The following TMEM132C variants were observed in gnomAD, a reference collection of about 807,000 sequenced individuals.
TMEM132C encodes the protein protein phosphatase 1, regulatory subunit 152.
TMEM132C carries 29 observed loss-of-function variants against 61.4 expected under a neutral mutation model. The observed-to-expected ratio is 0.47, with a 90% CI of 0.35 to 0.64. The LOEUF (loss-of-function observed/expected upper bound fraction) is 0.64. Among genes scored for constraint, TMEM132C ranks in the 30% least tolerant of loss-of-function variants. TMEM132C has a pLI of 0.00. For missense variants in TMEM132C, 1,408 were observed against 1,476.9 expected, an observed-to-expected ratio of 0.95 and a Z score of 0.76; for synonymous variants, 656 against 633.1, an observed-to-expected ratio of 1.04 and a Z score of -0.54.
intron 5 of TMEM132C, among the ~76,000 whole-genome samples, chr12:128,688,987 G>T (rs11059833): frequency 0.48 from 71,920 of 151,130 alleles, 17,601 homozygotes; most frequent in Non-Finnish European, 0.54. Context: ...TTTTGTTTTT[G>T]TTTTATTTTT....
chr12:128,390,805 G>GCGCT (rs1874741683), intron 1 of TMEM132C, among the ~76,000 whole-genome samples: 1 of 152,190 alleles, frequency 6.6e-6, no homozygotes, highest in South Asian at 2.1e-4. Flanking sequence ...AAAGGCTGTG[G>GCGCT]CGCTGTCCAG....
chr12:128,689,698 T>G (rs1326876988), intron 5 of TMEM132C, among the ~76,000 whole-genome samples: 1 of 152,130 alleles, frequency 6.6e-6, no homozygotes, highest in East Asian at 1.9e-4. Context: ...AGCACAGAGA[T>G]GCACTTCCAA....
At chr12:128,369,277 T>C (rs959234574) in intron 1 of TMEM132C, among the ~76,000 whole-genome samples, 1 of 152,222 alleles carries the variant, frequency 6.6e-6, no homozygotes, top group Non-Finnish European at 1.5e-5. Context: ...TTTAATACTA[T>C]TGGACTGAGC....
chr12:128,533,920 A>G (rs1397677042), intron 2 of TMEM132C, among the ~76,000 whole-genome samples: 1 of 151,182 alleles, frequency 6.6e-6, no homozygotes, highest in African/African-American at 2.4e-5. Context: ...ATGCATACAC[A>G]CACACATGCT....
intron 3 of TMEM132C, among the ~76,000 whole-genome samples, chr12:128,586,542 A>G (rs1032869613): frequency 1.1e-4 from 17 of 152,306 alleles, no homozygotes; most frequent in African/African-American, 3.6e-4. Flanking sequence ...CCACTATTAC[A>G]TAAGCAAATA....
chr12:128,585,453 T>G (rs1451774290), intron 3 of TMEM132C, among the ~76,000 whole-genome samples: 1 of 152,204 alleles, frequency 6.6e-6, no homozygotes, highest in Non-Finnish European at 1.5e-5. Flanking sequence ...TGTTCTGCAG[T>G]GACAGATGTT....
At chr12:128,337,026 A>G (rs963112315) in intron 1 of TMEM132C, among the ~76,000 whole-genome samples, 3 of 152,200 alleles carry the variant, frequency 2.0e-5, no homozygotes, top group African/African-American at 4.8e-5. Flanking sequence ...GTCTAATGCC[A>G]TGGAAATCAG....
chr12:128,452,366 C>G (rs1351916998), intron 2 of TMEM132C, among the ~76,000 whole-genome samples: 1 of 151,172 alleles, frequency 6.6e-6, no homozygotes, highest in Non-Finnish European at 1.5e-5. Context: ...TCCCAAAATG[C>G]TGGGATTACA....
rs374111784 is a variant in TMEM132C at position 128,575,350 on chromosome 12, G to A, written c.1121+31247G>A. Among the ~76,000 whole-genome samples, 339 of 152,256 alleles carry A rather than the reference G, an allele frequency of 2.2e-3. 2 individuals are homozygous for A. The highest frequency in any genetic ancestry group is 8.0e-3 in the African/African-American group (333 of 41,562). Reference sequence around the variant, plus strand: ...AAAAATTAGCTGGACATGATGATGTGCACCTATAGTCCCAGCTACTGGGGA... The same window carrying A: ...AAAAATTAGCTGGACATGATGATGTACACCTATAGTCCCAGCTACTGGGGA... On this transcript the variant is annotated intron_variant, in intron 3 of 8. Coordinates refer to ENST00000435159, the MANE Select transcript of TMEM132C (RefSeq NM_001136103.3).
chr12:128,490,833 T>C (rs1208812724), intron 2 of TMEM132C, among the ~76,000 whole-genome samples: 3 of 152,208 alleles, frequency 2.0e-5, no homozygotes, highest in Non-Finnish European at 2.9e-5. Context: ...GTGACTGTCC[T>C]TTCTATCCCA....
intron 2 of TMEM132C, among the ~76,000 whole-genome samples, chr12:128,420,289 C>CT (rs1868943971): frequency 6.6e-6 from 1 of 152,114 alleles, no homozygotes. Flanking sequence ...ATGGAAAGTG[C>CT]TGGTAATACA....
At chr12:128,604,065 T>A (rs1876303594) in intron 3 of TMEM132C, among the ~76,000 whole-genome samples, 1 of 152,164 alleles carries the variant, frequency 6.6e-6, no homozygotes, top group South Asian at 2.1e-4. Context: ...CCTGGTGGAA[T>A]TTGCCTCTCC....
intron 1 of TMEM132C, among the ~76,000 whole-genome samples, chr12:128,354,156 T>C (rs1873426464): frequency 6.6e-6 from 1 of 152,010 alleles, no homozygotes; most frequent in South Asian, 2.1e-4. Flanking sequence ...TTTATTTGGC[T>C]CAGAAAGAGA....
chr12:128,663,713 G>GTGTC (rs63401264), intron 4 of TMEM132C, among the ~76,000 whole-genome samples: 44,102 of 152,002 alleles, frequency 0.29, 8,900 homozygotes, highest in African/African-American at 0.58. Flanking sequence ...ATGCGTGTGT[G>GTGTC]TATGTGTGTG....
At chr12:128,383,066 GTGTA>G (rs1368993259) in intron 1 of TMEM132C, among the ~76,000 whole-genome samples, 2 of 152,056 alleles carry the variant, frequency 1.3e-5, no homozygotes, top group Non-Finnish European at 2.9e-5. Flanking sequence ...CTGTATGTAT[GTGTA>G]TGAGTCTGTA....
At chr12:128,572,488 C>T (rs952171380) in intron 3 of TMEM132C, among the ~76,000 whole-genome samples, 1 of 152,024 alleles carries the variant, frequency 6.6e-6, no homozygotes, top group Admixed American at 6.5e-5. Flanking sequence ...ATTGGCTGGG[C>T]CTGCGTCACA....
At position 128,382,177 on chromosome 12, in the gene TMEM132C, T is replaced by A. The variant is rs539034252; in HGVS notation, c.86-32555T>A. Reference sequence around the variant, plus strand: ...GCGAAAGAAGCCATTGTTCTGAGCTTGGCACGAGCTCCCGGACCCTTCACG... The same window carrying A: ...GCGAAAGAAGCCATTGTTCTGAGCTAGGCACGAGCTCCCGGACCCTTCACG... On this transcript the variant is annotated intron_variant, in intron 1 of 8. Coordinates refer to ENST00000435159, the MANE Select transcript of TMEM132C (RefSeq NM_001136103.3). Among the ~76,000 whole-genome samples, 4 of 152,294 alleles carry A rather than the reference T, an allele frequency of 2.6e-5. No individual in the cohort carries two copies. In the Middle Eastern group the frequency reaches 0.014, roughly 518 times the overall value.
chr12:128,692,269 T>C (rs1954726182), intron 5 of TMEM132C, among the ~76,000 whole-genome samples: 1 of 152,262 alleles, frequency 6.6e-6, no homozygotes, highest in East Asian at 1.9e-4. Flanking sequence ...TGTTCATCTG[T>C]CTATCCATCT....
Position 128,377,058 on chromosome 12 carries a change from AT to A in TMEM132C, c.86-37660del, listed in dbSNP as rs199866756. On this transcript the variant is annotated intron_variant, in intron 1 of 8. Transcript: ENST00000435159. Reference sequence around the variant, plus strand: ...TCATCCTTTACCATGTGCTTTCTTGATTTTTTTTTTTTTTGAGATGGAGTCT... The same window carrying A: ...TCATCCTTTACCATGTGCTTTCTTGATTTTTTTTTTTTTGAGATGGAGTCT... 4.0e-3 allele frequency among the ~76,000 whole-genome samples: 572 copies of A among 144,602 alleles called. 1 individual carries two copies. Among genetic ancestry groups the A allele is most frequent in the African/African-American group, 7.4e-3 (293 of 39,564 alleles). 94.9% of individuals were successfully genotyped at this position (144,602 alleles called of 152,430 possible). A position where few individuals can be genotyped will look rare whatever the true frequency, so the allele number is the denominator to read the frequency against.
Sources: allele counts gnomAD v4.1 joint callset (sites outside exome capture counted in the v4.1 genomes callset), GRCh38; gene constraint gnomAD v4.1.1; transcripts MANE v1.5; gene names NCBI Gene and HGNC (gene_info 2026-07-23, HGNC 2026-07-21).